The following PCDH7 variants were observed in gnomAD, a reference collection of about 807,000 sequenced individuals.
The protein encoded by PCDH7 is protocadherin 7.
In PCDH7, 17 loss-of-function variants were observed where a neutral mutation model predicts 58.9. That is an observed-to-expected ratio of 0.29 (90% CI 0.20 to 0.43). The LOEUF (loss-of-function observed/expected upper bound fraction) is 0.43. PCDH7 is among the 20% of genes least tolerant of loss of function. The probability of loss-of-function intolerance (pLI) is 1.00; values close to 1 mark genes in which losing one functional copy is unlikely to be tolerated. For synonymous variants in PCDH7, 664 were observed against 616.4 expected (o/e 1.08, Z -1.14); for missense variants, 1,274 against 1,441.0 (o/e 0.88, Z 1.88).
chr4:30,813,250 T>G (rs2109315187), intron 1 of PCDH7, among the ~76,000 whole-genome samples: 1 of 152,338 alleles, frequency 6.6e-6, no homozygotes, highest in South Asian at 2.1e-4. Flanking sequence ...TTTCCCCATT[T>G]GTTTCATATT....
chr4:30,967,212 A>C (rs1303374005), intron 3 of PCDH7, among the ~76,000 whole-genome samples: 1 of 109,866 alleles, frequency 9.1e-6, no homozygotes, highest in Non-Finnish European at 2.1e-5. Context: ...TTGCAAAAAG[A>C]AAAAAAAATC....
At chr4:31,141,467 TC>T (rs1290348427) in intron 3 of PCDH7, among the ~76,000 whole-genome samples, 18 of 152,256 alleles carry the variant, frequency 1.2e-4, no homozygotes, top group Non-Finnish European at 7.3e-5. Context: ...CAGGCTTTTC[TC>T]TCTCCCATTC....
intron 1 of PCDH7, among the ~76,000 whole-genome samples, chr4:30,785,250 G>A (rs1560367735): frequency 6.6e-6 from 1 of 152,096 alleles, no homozygotes; most frequent in East Asian, 1.9e-4. Context: ...TAGTTGGTTA[G>A]TAAATAACGC....
chr4:30,978,738 T>A (rs1750290871), intron 3 of PCDH7, among the ~76,000 whole-genome samples: 1 of 152,164 alleles, frequency 6.6e-6, no homozygotes, highest in East Asian at 1.9e-4. Context: ...ATATACTTCT[T>A]TTGTTTTAGT....
intron 2 of PCDH7, among the ~76,000 whole-genome samples, chr4:30,926,082 A>T (rs1419005297): frequency 6.6e-6 from 1 of 152,250 alleles, no homozygotes. Context: ...GCAATAATTT[A>T]TAAATAAGTA....
At chr4:31,116,844 GT>G (rs987518533) in intron 3 of PCDH7, among the ~76,000 whole-genome samples, 9 of 151,448 alleles carry the variant, frequency 5.9e-5, no homozygotes, top group Non-Finnish European at 1.3e-4. Context: ...TTGTTGTTTG[GT>G]TTTTTTTGAG....
At chr4:30,808,208 C>T (rs1206068764) in intron 1 of PCDH7, among the ~76,000 whole-genome samples, 1 of 152,052 alleles carries the variant, frequency 6.6e-6, no homozygotes, top group South Asian at 2.1e-4. Flanking sequence ...AGAGCACAGT[C>T]GATAAATTTC....
chr4:31,033,659 C>T (rs1448416788), intron 3 of PCDH7, among the ~76,000 whole-genome samples: 2 of 152,168 alleles, frequency 1.3e-5, no homozygotes, highest in Non-Finnish European at 2.9e-5. Context: ...TCATTACAGG[C>T]ATTACCCGAC....
At chr4:31,124,241 A>G (rs1379486007) in intron 3 of PCDH7, among the ~76,000 whole-genome samples, 2 of 152,186 alleles carry the variant, frequency 1.3e-5, no homozygotes, top group Admixed American at 1.3e-4. Context: ...AGCAGAGAAT[A>G]TATTAGGTGC....
intron 1 of PCDH7, among the ~76,000 whole-genome samples, chr4:30,785,598 G>A (rs1418303885): frequency 1.3e-5 from 2 of 151,964 alleles, no homozygotes; most frequent in Non-Finnish European, 2.9e-5. Context: ...TACTGTCAGA[G>A]CATTTTAATG....
chr4:31,038,771 A>G (rs928081000), intron 3 of PCDH7, among the ~76,000 whole-genome samples: 7 of 152,122 alleles, frequency 4.6e-5, no homozygotes, highest in African/African-American at 1.4e-4. Flanking sequence ...CAATTCTTCT[A>G]TTGATGGACA....
At chr4:30,849,588 G>A (rs1390723435) in intron 1 of PCDH7, among the ~76,000 whole-genome samples, 3 of 152,100 alleles carry the variant, frequency 2.0e-5, no homozygotes, top group African/African-American at 7.2e-5. Flanking sequence ...CCAGAGTAAT[G>A]AGCTATATAA....
At chr4:30,833,816 G>T (rs1018554254) in intron 1 of PCDH7, among the ~76,000 whole-genome samples, 1 of 152,142 alleles carries the variant, frequency 6.6e-6, no homozygotes, top group Admixed American at 6.6e-5. Context: ...CAGAAATTAC[G>T]CAGATAATCA....
chr4:31,034,253 G>T (rs1298899103), intron 3 of PCDH7, among the ~76,000 whole-genome samples: 1 of 151,734 alleles, frequency 6.6e-6, no homozygotes, highest in Non-Finnish European at 1.5e-5. Flanking sequence ...TCTCTACATC[G>T]AGTTGGACCT....
intron 1 of PCDH7, among the ~76,000 whole-genome samples, chr4:30,878,244 G>A (rs1304177646): frequency 1.3e-5 from 2 of 152,082 alleles, no homozygotes; most frequent in African/African-American, 4.8e-5. Context: ...TGTGAGGTCT[G>A]GATTTCAGTC....
intron 1 of PCDH7, among the ~76,000 whole-genome samples, chr4:30,800,375 C>CAT (rs1205223604): frequency 1.3e-5 from 2 of 151,872 alleles, no homozygotes; most frequent in South Asian, 2.1e-4. Context: ...ATATGTTTCA[C>CAT]ATATATATAT....
intron 1 of PCDH7, chr4:30,725,053 T>C (rs1714416432): frequency 1.0e-6 from 1 of 1,003,928 alleles, no homozygotes; most frequent in Non-Finnish European, 1.2e-6. Context: ...TTTAGCTATG[T>C]TATTTACAAT....
At chr4:30,774,537 G>A (rs1327937147) in intron 1 of PCDH7, among the ~76,000 whole-genome samples, 1 of 152,142 alleles carries the variant, frequency 6.6e-6, no homozygotes, top group South Asian at 2.1e-4. Flanking sequence ...GCCTGCTAAT[G>A]TGCTAGGCAC....
chr4:31,138,147 T>TTATA (rs1560260510), intron 3 of PCDH7, among the ~76,000 whole-genome samples: 1 of 151,560 alleles, frequency 6.6e-6, no homozygotes, highest in Non-Finnish European at 1.5e-5. Flanking sequence ...TTTCTAAAGA[T>TTATA]TCTATTATCT....
Sources: allele counts gnomAD v4.1 joint callset (sites outside exome capture counted in the v4.1 genomes callset), GRCh38; gene constraint gnomAD v4.1.1; transcripts MANE v1.5; gene names NCBI Gene and HGNC (gene_info 2026-07-23, HGNC 2026-07-21).